The following SNX27 variants were observed in gnomAD, a reference collection of about 807,000 sequenced individuals.
The protein encoded by SNX27 is sorting nexin-27.
Under a neutral mutation model 71.6 loss-of-function variants are expected in SNX27, and 22 were observed. The observed-to-expected ratio is 0.31, with a 90% CI of 0.22 to 0.44. SNX27 has a LOEUF of 0.44. Among genes scored for constraint, SNX27 ranks in the 20% least tolerant of loss-of-function variants. The pLI, the probability that SNX27 is intolerant of heterozygous loss-of-function variation, is 1.00. For missense variants in SNX27, 531 were observed against 698.6 expected, an observed-to-expected ratio of 0.76 and a Z score of 2.70; for synonymous variants, 269 against 277.2, an observed-to-expected ratio of 0.97 and a Z score of 0.29.
intron 1 of SNX27, among the ~76,000 whole-genome samples, chr1:151,615,185 A>G (rs1432468853): frequency 6.6e-6 from 1 of 152,202 alleles, no homozygotes; most frequent in East Asian, 1.9e-4. Flanking sequence ...AGGTTGTGAT[A>G]ATCAGAAATC....
intron 1 of SNX27, among the ~76,000 whole-genome samples, chr1:151,616,524 ATC>A (rs1012110836): frequency 4.6e-5 from 7 of 152,224 alleles, no homozygotes; most frequent in Non-Finnish European, 1.0e-4. Flanking sequence ...AACTGTGTAT[ATC>A]AATTTGTTTT....
rs1173089339 is a variant in SNX27 at position 151,697,463 on chromosome 1, T to C, written c.*3046T>C. The stretch of plus-strand genomic sequence containing the variant: ...GATTAGGTGAGGGCCCTATAGGTAG[T>C]TGGCCTGTTGGCAGAATTTATTTAG... On this transcript the variant is annotated 3_prime_UTR_variant, in exon 12 of 12. Coordinates refer to ENST00000458013, the MANE Select transcript of SNX27 (RefSeq NM_001330723.2). The C allele has an allele frequency of 6.5e-6, 1 of 152,678 alleles. No homozygotes were observed. Among genetic ancestry groups the C allele is most frequent in the Admixed American group, 6.5e-5 (1 of 15,284 alleles). The allele number at this position is 152,678 out of a possible 1,614,324, so 9.5% of individuals were successfully genotyped here.
chr1:151,678,418 G>A (rs1253260871), intron 7 of SNX27: 2 of 152,146 alleles, frequency 1.3e-5, no homozygotes, highest in African/African-American at 4.8e-5. Flanking sequence ...ACGTGTTGTG[G>A]TAGTATATAA....
chr1:151,658,436 A>T lies in SNX27; in HGVS notation c.736+9A>T. 1.2e-6 allele frequency: 2 copies of T among 1,612,186 alleles called. No individual in the cohort carries two copies. The highest frequency in any genetic ancestry group is 1.7e-4 in the Middle Eastern group (1 of 5,812). On this transcript the variant is annotated intron_variant, in intron 3 of 11. Coordinates refer to ENST00000458013, the MANE Select transcript of SNX27 (RefSeq NM_001330723.2). ...AGAATATCTAGAAAAAGGTAATCCA[A>T]ACCATCAAACTCTACTATATTGAGT...
intron 6 of SNX27, among the ~76,000 whole-genome samples, chr1:151,667,826 CAAAAAAA>C (rs138979420): frequency 1.3e-5 from 1 of 74,186 alleles, no homozygotes; most frequent in Admixed American, 1.7e-4. Context: ...GACTCCGTCT[CAAAAAAA>C]AAAAAAAAAA....
intron 11 of SNX27, 39 bp from the exon 12 acceptor site, chr1:151,694,331 A>G: frequency 2.6e-6 from 4 of 1,548,602 alleles, no homozygotes; most frequent in African/African-American, 1.4e-5. Flanking sequence ...ATAAGAGGAG[A>G]TGTGCCTTCC....
At chr1:151,693,835 C>T (rs554856156) in intron 11 of SNX27, 24 of 1,435,202 alleles carry the variant, frequency 1.7e-5, no homozygotes, top group Admixed American at 1.1e-4. Context: ...CAGTTGTAGC[C>T]GTCTTGACTG....
At chr1:151,643,821 C>T (rs1049968420) in intron 2 of SNX27, among the ~76,000 whole-genome samples, 5 of 151,798 alleles carry the variant, frequency 3.3e-5, no homozygotes, top group Non-Finnish European at 5.9e-5. Flanking sequence ...CCAGCACGCT[C>T]GGCTAATTTT....
At chr1:151,656,201 G>A (rs1315488006) in intron 2 of SNX27, among the ~76,000 whole-genome samples, 3 of 140,368 alleles carry the variant, frequency 2.1e-5, no homozygotes, top group Non-Finnish European at 4.6e-5. Context: ...CTTAGCCTGG[G>A]TGACAGAGCG....
intron 1 of SNX27, among the ~76,000 whole-genome samples, chr1:151,617,464 A>G (rs1479360838): frequency 6.6e-6 from 1 of 151,998 alleles, no homozygotes; most frequent in Non-Finnish European, 1.5e-5. Flanking sequence ...TTTTTAGTAG[A>G]GACGGGGTTT....
chr1:151,683,216 G>A (rs899202229), intron 7 of SNX27, 140 bp from the exon 8 acceptor site: 2 of 630,294 alleles, frequency 3.2e-6, no homozygotes, highest in Non-Finnish European at 5.6e-6. Flanking sequence ...CCCTGGACAT[G>A]TGGCAGAGTT....
intron 6 of SNX27, among the ~76,000 whole-genome samples, chr1:151,667,733 A>G (rs996107169): frequency 2.5e-4 from 37 of 147,806 alleles, no homozygotes; most frequent in African/African-American, 8.2e-4. Context: ...AGGCTGAGGC[A>G]GGAGAATGGC....
chr1:151,617,862 TTC>T (rs1373081400), intron 1 of SNX27, among the ~76,000 whole-genome samples: 1 of 149,476 alleles, frequency 6.7e-6, no homozygotes, highest in African/African-American at 2.5e-5. Context: ...CTTGAATATT[TTC>T]TCTTTTTAGA....
At chr1:151,679,128 A>G (rs1670828734) in intron 7 of SNX27, 1 of 152,212 alleles carries the variant, frequency 6.6e-6, no homozygotes, top group African/African-American at 2.4e-5. Context: ...TTATTTTTGT[A>G]TCATATTTTG....
At chr1:151,642,302 A>G (rs542899505) in intron 2 of SNX27, among the ~76,000 whole-genome samples, 1 of 151,604 alleles carries the variant, frequency 6.6e-6, no homozygotes, top group Admixed American at 6.6e-5. Context: ...CAGAAAAATC[A>G]CTTGAACCCG....
chr1:151,614,016 T>G (rs1266626736), intron 1 of SNX27: 1 of 152,132 alleles, frequency 6.6e-6, no homozygotes, highest in Non-Finnish European at 1.5e-5. Context: ...AAAGGGATAG[T>G]TTTTTGAAAA....
intron 1 of SNX27, among the ~76,000 whole-genome samples, chr1:151,620,995 T>G (rs1157808080): frequency 6.6e-6 from 1 of 152,148 alleles, no homozygotes; most frequent in Non-Finnish European, 1.5e-5. Context: ...TGGCCGAAGA[T>G]GCTTCTTTTA....
At chr1:151,656,107 C>G (rs1571828773) in intron 2 of SNX27, among the ~76,000 whole-genome samples, 1 of 151,670 alleles carries the variant, frequency 6.6e-6, no homozygotes, top group East Asian at 2.0e-4. Flanking sequence ...CCTGTAGTCT[C>G]AGCTACTTGG....
At chr1:151,652,633 G>A (rs995599078) in intron 2 of SNX27, among the ~76,000 whole-genome samples, 3 of 151,750 alleles carry the variant, frequency 2.0e-5, no homozygotes, top group Non-Finnish European at 4.4e-5. Flanking sequence ...GGCTGGTCTC[G>A]AACTCCTGAC....
Sources: allele counts gnomAD v4.1 joint callset (sites outside exome capture counted in the v4.1 genomes callset), GRCh38; gene constraint gnomAD v4.1.1; transcripts MANE v1.5; gene names NCBI Gene and HGNC (gene_info 2026-07-23, HGNC 2026-07-21).